The following COL24A1 variants were observed in gnomAD, a reference collection of about 807,000 sequenced individuals.
COL24A1 encodes the protein collagen alpha-1(XXIV) chain.
In COL24A1, 224 loss-of-function variants were observed where a neutral mutation model predicts 253.9. The ratio of observed to expected loss-of-function variants is 0.88; its 90% CI spans 0.79 to 0.99. The LOEUF is 0.99. COL24A1 is among the 50% of genes least tolerant of loss of function. COL24A1 has a pLI of 0.00. For missense variants in COL24A1, 2,131 were observed against 2,068.5 expected (o/e 1.03, Z -0.59); for synonymous variants, 685 against 673.7 (o/e 1.02, Z -0.26).
chr1:85,784,457 G>C, intron 48 of COL24A1, 91 bp from the exon 49 acceptor site: 1 of 858,760 alleles, frequency 1.2e-6, no homozygotes, highest in Non-Finnish European at 1.9e-6. Flanking sequence ...CCCATCCTTA[G>C]GCCCATTCCA....
intron 43 of COL24A1, among the ~76,000 whole-genome samples, chr1:85,834,347 A>T (rs1358179385): frequency 2.0e-5 from 3 of 152,026 alleles, no homozygotes; most frequent in African/African-American, 7.2e-5. Flanking sequence ...AGAAAGAAAG[A>T]GAGACAGAGG....
chr1:86,132,240 A>G (rs1649355852), intron 2 of COL24A1, among the ~76,000 whole-genome samples: 1 of 151,958 alleles, frequency 6.6e-6, no homozygotes, highest in South Asian at 2.1e-4. Context: ...AATTTGTTTG[A>G]GTTCATTGTA....
intron 45 of COL24A1, among the ~76,000 whole-genome samples, chr1:85,819,590 T>C (rs1673393977): frequency 6.6e-6 from 1 of 152,168 alleles, no homozygotes; most frequent in South Asian, 2.1e-4. Context: ...GACTCTTAAA[T>C]ATTAAAAGTC....
At chr1:86,119,562 C>G (rs1034122485) in intron 3 of COL24A1, among the ~76,000 whole-genome samples, 1 of 152,068 alleles carries the variant, frequency 6.6e-6, no homozygotes, top group Non-Finnish European at 1.5e-5. Context: ...GCCTGTGATA[C>G]AAAGGGTTTC....
At chr1:86,134,594 A>G (rs1038224494) in intron 2 of COL24A1, among the ~76,000 whole-genome samples, 1 of 150,808 alleles carries the variant, frequency 6.6e-6, no homozygotes, top group Non-Finnish European at 1.5e-5. Context: ...TTCTGCCTTC[A>G]TTTCGGTATG....
intron 24 of COL24A1, among the ~76,000 whole-genome samples, chr1:85,925,568 G>T (rs919875512): frequency 9.2e-5 from 14 of 152,236 alleles, no homozygotes; most frequent in Admixed American, 2.0e-4. Context: ...AACAAGCAAT[G>T]GGGAAAGGAT....
At chr1:86,098,617 G>A (rs926886160) in intron 5 of COL24A1, among the ~76,000 whole-genome samples, 4 of 152,118 alleles carry the variant, frequency 2.6e-5, no homozygotes, top group African/African-American at 9.7e-5. Flanking sequence ...CATTCAGGAA[G>A]GGCCATGCTT....
chr1:86,020,541 A>G (rs938477532), intron 18 of COL24A1, among the ~76,000 whole-genome samples: 1 of 152,156 alleles, frequency 6.6e-6, no homozygotes, highest in Non-Finnish European at 1.5e-5. Context: ...AAGAGTAAGG[A>G]ACACTAAAAT....
At chr1:86,060,558 T>C (rs1256027153) in intron 8 of COL24A1, among the ~76,000 whole-genome samples, 3 of 152,092 alleles carry the variant, frequency 2.0e-5, no homozygotes, top group Non-Finnish European at 2.9e-5. Context: ...GAGTTTCTTC[T>C]CTCTACTTTT....
intron 33 of COL24A1, among the ~76,000 whole-genome samples, chr1:85,876,783 A>G (rs924636987): frequency 8.5e-5 from 13 of 152,224 alleles, no homozygotes; most frequent in African/African-American, 3.1e-4. Flanking sequence ...ATTCCAAAAT[A>G]TATCCCAAAT....
chr1:85,852,732 G>T (rs1379989347), intron 37 of COL24A1, among the ~76,000 whole-genome samples: 4 of 152,028 alleles, frequency 2.6e-5, no homozygotes, highest in African/African-American at 9.7e-5. Flanking sequence ...TTAATTTTGT[G>T]GCTAATTGTG....
rs202207681 is a variant in COL24A1, at chr1:86,134,000, C to T, written c.122-7786G>A. On this transcript the variant is annotated intron_variant, in intron 2 of 59. Coordinates refer to ENST00000370571, the MANE Select transcript of COL24A1 (RefSeq NM_152890.7). ...TCCTGGACTTTTTTTTGGTTGCTAA[C>T]CTATTAATTATTGCCTCAATTTCAG... Among the ~76,000 whole-genome samples the T allele has an allele frequency of 2.7e-5, 3 of 113,196 alleles. No homozygotes were observed. The Admixed American group carries it at 2.9e-4, about 11-fold the overall frequency. The allele number at this position is 113,196 out of a possible 152,430, so 74.3% of individuals were successfully genotyped here. A position where few individuals can be genotyped will look rare whatever the true frequency, so the allele number is the denominator to read the frequency against.
intron 39 of COL24A1, among the ~76,000 whole-genome samples, chr1:85,845,289 G>C (rs1417226536): frequency 6.6e-6 from 1 of 151,794 alleles, no homozygotes; most frequent in South Asian, 2.1e-4. Flanking sequence ...AACAAATGTT[G>C]TAAAAGGATT....
chr1:86,035,055 AT>A (rs1698888800), intron 12 of COL24A1, among the ~76,000 whole-genome samples: 1 of 152,190 alleles, frequency 6.6e-6, no homozygotes, highest in South Asian at 2.1e-4. Context: ...GCAAATATGA[AT>A]AGGTTAAACT....
At chr1:85,736,436 G>A (rs1395858200) in intron 58 of COL24A1, 1 of 456,290 alleles carries the variant, frequency 2.2e-6, no homozygotes, top group South Asian at 1.5e-5. Flanking sequence ...CCACTGGAAT[G>A]AGGATGATGA....
At chr1:86,062,787 G>A (rs1157785379) in intron 8 of COL24A1, among the ~76,000 whole-genome samples, 1 of 152,050 alleles carries the variant, frequency 6.6e-6, no homozygotes, top group Non-Finnish European at 1.5e-5. Flanking sequence ...ATATCACTTC[G>A]CTTGCCATGT....
intron 7 of COL24A1, among the ~76,000 whole-genome samples, chr1:86,076,379 G>A (rs1241353878): frequency 2.0e-5 from 3 of 152,146 alleles, no homozygotes; most frequent in Non-Finnish European, 4.4e-5. Context: ...CACTGCTCAA[G>A]GAAATAAGAG....
rs182906090 is a variant in COL24A1, at chr1:86,087,653, A to C, written c.1707+1521T>G. Among the ~76,000 whole-genome samples the C allele has an allele frequency of 1.9e-3, 290 of 152,360 alleles. 1 individual carries two copies. The highest frequency in any genetic ancestry group is 6.8e-3 in the African/African-American group (281 of 41,592). On this transcript the variant is annotated intron_variant, in intron 7 of 59. Coordinates refer to ENST00000370571, the MANE Select transcript of COL24A1 (RefSeq NM_152890.7). Reference sequence around the variant, plus strand: ...ATAGGATGCAATAACTGTATATTTAATATCAACTAAAGTAATTGAGATCAT... The same window carrying C: ...ATAGGATGCAATAACTGTATATTTACTATCAACTAAAGTAATTGAGATCAT...
intron 37 of COL24A1, among the ~76,000 whole-genome samples, chr1:85,853,080 CATA>C (rs1422185783): frequency 6.6e-6 from 1 of 152,180 alleles, no homozygotes; most frequent in African/African-American, 2.4e-5. Context: ...AGGTAATTGG[CATA>C]ATATCTGATA....
Sources: allele counts gnomAD v4.1 joint callset (sites outside exome capture counted in the v4.1 genomes callset), GRCh38; gene constraint gnomAD v4.1.1; transcripts MANE v1.5; gene names NCBI Gene and HGNC (gene_info 2026-07-23, HGNC 2026-07-21).